The following MAGI2 variants were observed in gnomAD, a reference collection of about 807,000 sequenced individuals.
MAGI2 encodes membrane associated guanylate kinase, WW and PDZ domain containing 2, also known as membrane-associated guanylate kinase, WW and PDZ domain-containing protein 2.
A neutral mutation model predicts 133.3 loss-of-function variants in MAGI2; 35 were observed. That is an observed-to-expected ratio of 0.26 (90% CI 0.20 to 0.35). The LOEUF is 0.35. MAGI2 is among the 10% of genes least tolerant of loss of function. The pLI, the probability that MAGI2 is intolerant of heterozygous loss-of-function variation, is 1.00. For synonymous variants in MAGI2, 729 were observed against 710.6 expected, an observed-to-expected ratio of 1.03 and a Z score of -0.41; for missense variants, 1,636 against 1,863.4, an observed-to-expected ratio of 0.88 and a Z score of 2.25.
In MAGI2 at chr7:78,763,388, GCTT is replaced by G. The variant is rs896874707; in HGVS notation, c.419-136152_419-136150del. On this transcript the variant is annotated intron_variant, in intron 2 of 21. Transcript: ENST00000354212. The stretch of plus-strand genomic sequence containing the variant: ...TTTCATATACTACTAGCCAATCCCA[GCTT>G]CTTTTCACGTTTTCACTTTTGAAAT... Among the ~76,000 whole-genome samples the G allele has an allele frequency of 9.2e-5, 14 of 152,210 alleles. 1 individual carries two copies. Among genetic ancestry groups the G allele is most frequent in the Middle Eastern group, 6.8e-3 (2 of 294 alleles).
chr7:78,284,889 A>G (rs1472340094), intron 9 of MAGI2, among the ~76,000 whole-genome samples: 1 of 152,160 alleles, frequency 6.6e-6, no homozygotes, highest in East Asian at 1.9e-4. Flanking sequence ...CACGTTTTGA[A>G]TTTCATTCCA....
chr7:78,557,444 G>C (rs559172522), intron 3 of MAGI2, among the ~76,000 whole-genome samples: 2 of 152,106 alleles, frequency 1.3e-5, no homozygotes, highest in Admixed American at 1.3e-4. Context: ...CAATTTTAGA[G>C]AGAAGGAATT....
intron 6 of MAGI2, among the ~76,000 whole-genome samples, chr7:78,453,710 T>C (rs1379525805): frequency 6.6e-6 from 1 of 152,186 alleles, no homozygotes; most frequent in Admixed American, 6.5e-5. Context: ...TCATAGACAT[T>C]ATCCCAGATA....
intron 14 of MAGI2, among the ~76,000 whole-genome samples, chr7:78,177,171 A>G (rs941419257): frequency 3.3e-5 from 5 of 152,036 alleles, no homozygotes; most frequent in African/African-American, 1.2e-4. Context: ...ACTCCCTTAC[A>G]TGAGCTAGGA....
chr7:78,208,135 C>CTTTTTTTTTTTTTTTT (rs71085515), intron 10 of MAGI2, among the ~76,000 whole-genome samples: 2 of 115,588 alleles, frequency 1.7e-5, no homozygotes, highest in African/African-American at 3.4e-5. Context: ...CCCAAAGTGG[C>CTTTTTTTTTTTTTTTT]TTTTTTTTTT....
intron 1 of MAGI2, among the ~76,000 whole-genome samples, chr7:79,314,669 T>C (rs1838565012): frequency 1.3e-5 from 2 of 152,180 alleles, no homozygotes; most frequent in Middle Eastern, 3.4e-3. Flanking sequence ...GGTCTTCTGA[T>C]GAGATAGTTC....
chr7:78,459,950 G>C (rs896329301), intron 6 of MAGI2, among the ~76,000 whole-genome samples: 1 of 152,200 alleles, frequency 6.6e-6, no homozygotes, highest in African/African-American at 2.4e-5. Flanking sequence ...CACAAGTGCT[G>C]AATTACTTAC....
intron 1 of MAGI2, among the ~76,000 whole-genome samples, chr7:79,390,294 T>A (rs1406710368): frequency 3.3e-5 from 5 of 152,180 alleles, no homozygotes; most frequent in African/African-American, 7.2e-5. Context: ...TCAGGTACAG[T>A]ATTATTTTTC....
chr7:78,497,786 C>A (rs1224961856), intron 5 of MAGI2, among the ~76,000 whole-genome samples: 1 of 102,182 alleles, frequency 9.8e-6, no homozygotes, highest in African/African-American at 3.5e-5. Flanking sequence ...TACACAGAAC[C>A]AAAGAATCAT....
At chr7:78,967,733 T>C (rs28827590) in intron 2 of MAGI2, among the ~76,000 whole-genome samples, 3,034 of 152,188 alleles carry the variant, frequency 0.02, 64 homozygotes, top group African/African-American at 0.063. Flanking sequence ...TTCTTGGCTG[T>C]CTTGATAAAA....
Position 78,309,194 on chromosome 7 carries a change from C to T in MAGI2, c.1408+34584G>A, listed in dbSNP as rs542274982. Among the ~76,000 whole-genome samples, 15 of 152,108 alleles carry T rather than the reference C, an allele frequency of 9.9e-5. No homozygotes were observed. The South Asian group carries it at 3.1e-3, about 32-fold the overall frequency. Reference sequence around the variant, plus strand: ...CCGCAATCCCATTACTGGGTATATGCCCAAAGGAAAATAAATCGCTCTACC... The same window carrying T: ...CCGCAATCCCATTACTGGGTATATGTCCAAAGGAAAATAAATCGCTCTACC... On this transcript the variant is annotated intron_variant, in intron 9 of 21. Transcript: ENST00000354212.
At chr7:78,472,776 G>T (rs192329232) in intron 6 of MAGI2, among the ~76,000 whole-genome samples, 17 of 152,212 alleles carry the variant, frequency 1.1e-4, no homozygotes, top group Admixed American at 4.6e-4. Flanking sequence ...ATATGCTGTT[G>T]TTTGTGTTTT....
intron 1 of MAGI2, among the ~76,000 whole-genome samples, chr7:79,181,870 A>G (rs540944739): frequency 6.6e-6 from 1 of 152,088 alleles, no homozygotes; most frequent in Admixed American, 6.5e-5. Context: ...TTGATGTTCC[A>G]CAAATCTCTA....
rs138272969 is a variant in MAGI2 at position 78,709,279 on chromosome 7, C to T, written c.419-82040G>A. On this transcript the variant is annotated intron_variant, in intron 2 of 21. Transcript: ENST00000354212. ...TCCCTGTCCCCACCTGCAACATACA[C>T]ACCCCCACCCCCACTCCACACACAC... Among the ~76,000 whole-genome samples the T allele has an allele frequency of 1.5e-3, 233 of 151,918 alleles. 2 individuals carry two copies. Among genetic ancestry groups the T allele is most frequent in the African/African-American group, 5.5e-3 (228 of 41,430 alleles).
At chr7:78,865,841 T>TA (rs1446131328) in intron 2 of MAGI2, among the ~76,000 whole-genome samples, 3 of 152,102 alleles carry the variant, frequency 2.0e-5, no homozygotes, top group Non-Finnish European at 4.4e-5. Flanking sequence ...AAAACTATTA[T>TA]AGTCAGGGAG....
chr7:78,772,370 G>T (rs1563485940), intron 2 of MAGI2, among the ~76,000 whole-genome samples: 1 of 152,192 alleles, frequency 6.6e-6, no homozygotes. Flanking sequence ...AGCATCAGAA[G>T]AAAACTCTTA....
At chr7:78,729,785 C>A (rs1333494045) in intron 2 of MAGI2, among the ~76,000 whole-genome samples, 1 of 152,170 alleles carries the variant, frequency 6.6e-6, no homozygotes, top group South Asian at 2.1e-4. Flanking sequence ...AATTGGCTTT[C>A]TACGTAGATC....
intron 20 of MAGI2, among the ~76,000 whole-genome samples, chr7:78,087,311 C>T (rs1465852198): frequency 2.6e-5 from 4 of 152,052 alleles, no homozygotes; most frequent in Non-Finnish European, 5.9e-5. Context: ...GAGTTTAAAC[C>T]AAATGTAAAC....
chr7:78,602,744 G>A (rs1805344458), intron 3 of MAGI2, among the ~76,000 whole-genome samples: 1 of 152,184 alleles, frequency 6.6e-6, no homozygotes, highest in Middle Eastern at 3.4e-3. Flanking sequence ...CCCATAGAAT[G>A]CTTTTAATGC....
Sources: gnomAD v4.1 joint callset for allele counts (sites outside exome capture counted in the v4.1 genomes callset) on GRCh38, gnomAD v4.1.1 for gene constraint, MANE v1.5 for transcripts, NCBI Gene and HGNC (gene_info 2026-07-23, HGNC 2026-07-21) for gene names.